Variants in BACH1 observed in about 807,000 individuals in gnomAD.
BACH1 encodes the protein transcription regulator protein BACH1.
BACH1 carries 35 observed loss-of-function variants against 52.9 expected under a neutral mutation model. The observed-to-expected ratio is 0.66, with a 90% confidence interval of 0.51 to 0.88. The LOEUF (loss-of-function observed/expected upper bound fraction) is 0.88, where lower values mean the gene tolerates loss of function less well. Ranked by LOEUF, BACH1 falls within the 40% of genes least tolerant of loss-of-function variation. The pLI, the probability that BACH1 is intolerant of heterozygous loss-of-function variation, is 0.00. For synonymous variants in BACH1, 321 were observed against 319.6 expected, an observed-to-expected ratio of 1.00 and a Z score of -0.05; for missense variants, 808 against 872.6, an observed-to-expected ratio of 0.93 and a Z score of 0.93.
intron 1 of BACH1, chr21:29,300,941 A>G (rs1010058007): frequency 6.6e-6 from 1 of 152,210 alleles, no homozygotes. Context: ...TGATTATATG[A>G]CACCACTGCC....
chr21:29,328,608 G>A (rs1003573256), intron 3 of BACH1, among the ~76,000 whole-genome samples: 4 of 152,082 alleles, frequency 2.6e-5, no homozygotes, highest in African/African-American at 9.7e-5. Flanking sequence ...GTACGATACA[G>A]TATTGTTAAG....
chr21:29,304,129 CT>C (rs398040580), intron 1 of BACH1, among the ~76,000 whole-genome samples: 1,802 of 136,770 alleles, frequency 0.013, 12 homozygotes, highest in Non-Finnish European at 0.019. Context: ...TTTTTTTTTT[CT>C]TTTTTTTTTT....
At chr21:29,339,371 C>A (rs962956276) in intron 4 of BACH1, among the ~76,000 whole-genome samples, 1 of 151,964 alleles carries the variant, frequency 6.6e-6, no homozygotes, top group Admixed American at 6.6e-5. Flanking sequence ...TGAAAATGAG[C>A]ATTTTTGCTT....
intron 1 of BACH1, among the ~76,000 whole-genome samples, chr21:29,320,745 A>T (rs1392041346): frequency 6.6e-6 from 1 of 152,160 alleles, no homozygotes; most frequent in Non-Finnish European, 1.5e-5. Context: ...ATGTTGAGGA[A>T]TGGGGTGTGG....
At chr21:29,354,390 G>A (rs1231623463) in intron 2 of BACH1, among the ~76,000 whole-genome samples, 1 of 152,126 alleles carries the variant, frequency 6.6e-6, no homozygotes, top group African/African-American at 2.4e-5. Flanking sequence ...AGTTTGTTTT[G>A]GCTGCAGTGA....
intron 4 of BACH1, among the ~76,000 whole-genome samples, chr21:29,339,197 T>C (rs2089081322): frequency 6.6e-6 from 1 of 152,180 alleles, no homozygotes; most frequent in South Asian, 2.1e-4. Context: ...TATTAACAGA[T>C]TCCCCTCCTT....
chr21:29,354,707 T>C (rs2089223118), intron 2 of BACH1, among the ~76,000 whole-genome samples: 1 of 152,146 alleles, frequency 6.6e-6, no homozygotes, highest in South Asian at 2.1e-4. Flanking sequence ...TTAAATTCAG[T>C]GATGAGTGTA....
At chr21:29,330,737 G>A (rs1320817550) in intron 4 of BACH1, among the ~76,000 whole-genome samples, 5 of 152,062 alleles carry the variant, frequency 3.3e-5, no homozygotes, top group Admixed American at 6.6e-5. Context: ...GTTTTCAAGC[G>A]TGAACATTCT....
At chr21:29,313,095 A>C (rs932047967) in intron 1 of BACH1, among the ~76,000 whole-genome samples, 9 of 152,212 alleles carry the variant, frequency 5.9e-5, no homozygotes, top group Admixed American at 1.3e-4. Context: ...GAGAATGTAG[A>C]GCACGGCTGT....
chr21:29,305,897 A>T (rs2088651609), intron 1 of BACH1, among the ~76,000 whole-genome samples: 1 of 152,224 alleles, frequency 6.6e-6, no homozygotes, highest in South Asian at 2.1e-4. Context: ...TTTTCCAGAT[A>T]TTGGCAATAA....
intron 4 of BACH1, among the ~76,000 whole-genome samples, chr21:29,333,315 A>G (rs1014042238): frequency 6.6e-6 from 1 of 152,218 alleles, no homozygotes; most frequent in Admixed American, 6.5e-5. Context: ...CCAGAGGTTT[A>G]TACTTAGTAG....
At chr21:29,306,902 TAGA>T (rs1328823465) in intron 1 of BACH1, among the ~76,000 whole-genome samples, 1 of 152,206 alleles carries the variant, frequency 6.6e-6, no homozygotes, top group Non-Finnish European at 1.5e-5. Context: ...TAAATATATA[TAGA>T]AGAAATAATT....
At chr21:29,336,802 G>C (rs1373958482) in intron 4 of BACH1, among the ~76,000 whole-genome samples, 10 of 151,980 alleles carry the variant, frequency 6.6e-5, no homozygotes, top group Non-Finnish European at 1.5e-4. Flanking sequence ...CTCCCGAATA[G>C]CTAGGACTAC....
chr21:29,328,998 T>C (rs905090776), intron 3 of BACH1, among the ~76,000 whole-genome samples: 6 of 152,180 alleles, frequency 3.9e-5, no homozygotes, highest in African/African-American at 1.4e-4. Context: ...TTGTGAATAA[T>C]GCGGTAACGA....
chr21:29,325,985 CT>C (rs1446061008), intron 2 of BACH1, 73 bp from the exon 3 acceptor site: 18 of 1,389,362 alleles, frequency 1.3e-5, no homozygotes, highest in Non-Finnish European at 1.6e-5. Flanking sequence ...CTCTATTCCT[CT>C]TCTACTTATT....
rs1476941948 is a variant in BACH1, at chr21:29,326,516, A to G, written c.692A>G (p.Gln231Arg). The G allele has an allele frequency of 2.5e-6, 4 of 1,614,202 alleles. No individual in the cohort carries two copies. Among genetic ancestry groups the G allele is most frequent in the Non-Finnish European group, 2.5e-6 (3 of 1,180,032 alleles). ...TTATGCCCCAAATACAGAAAATTCC[A>G]AAAAGCATTTGGAACTGACAGAGTC... Reference protein sequence around the residue: ...PSLCPKYRKFQKAFGTDRVRT... With the variant: ...PSLCPKYRKFRKAFGTDRVRT... Residue 231 changes from glutamine to arginine, a missense_variant, in exon 3 of 5, where the codon CAA becomes CGA. By Grantham distance (43) the Gln-to-Arg change is conservative. Transcript: ENST00000286800.
chr21:29,300,454 T>G (rs2088590815), intron 1 of BACH1, among the ~76,000 whole-genome samples: 1 of 152,136 alleles, frequency 6.6e-6, no homozygotes, highest in Non-Finnish European at 1.5e-5. Context: ...CAGCTGGGGT[T>G]GTTTTGATAC....
downstream of BACH1, among the ~76,000 whole-genome samples, chr21:29,346,521 CAA>C (rs2089169302): frequency 6.6e-6 from 1 of 152,134 alleles, no homozygotes; most frequent in Admixed American, 6.6e-5. Context: ...CCATCCAGGG[CAA>C]AGTCTTCTGG....
Position 29,326,903 on chromosome 21 carries a change from C to T in BACH1, c.1079C>T (p.Thr360Ile). ...PLSGTDVQEKTFGESQDLPLK... is the reference protein window; with the variant it reads ...PLSGTDVQEKIFGESQDLPLK... ...TCAGGTACAGACGTCCAAGAAAAAA[C>T]ATTTGGTGAAAGTCAGGATTTACCT... The change falls in exon 3 of 5, where the codon ACA becomes ATA. Residue 360 changes from threonine to isoleucine, a missense_variant. Transcript: ENST00000286800. 6.2e-7 allele frequency: 1 copy of T among 1,614,174 alleles called. No individual in the cohort carries two copies. The highest frequency in any genetic ancestry group is 2.2e-5 in the East Asian group (1 of 44,884).
Sources: gnomAD v4.1 joint callset for allele counts (sites outside exome capture counted in the v4.1 genomes callset) on GRCh38, gnomAD v4.1.1 for gene constraint, MANE v1.5 for transcripts, NCBI Gene and HGNC (gene_info 2026-07-23, HGNC 2026-07-21) for gene names.